NEB: variants seen among roughly 807,000 people sequenced by gnomAD.
NEB encodes the protein nebulin.
In NEB, 512 loss-of-function variants were observed where a neutral mutation model predicts 952.2. That is an observed-to-expected ratio of 0.54 (90% CI 0.50 to 0.58). The LOEUF is 0.58. Ranked by LOEUF, NEB falls within the 20% of genes least tolerant of loss-of-function variation. The pLI, the probability that NEB is intolerant of heterozygous loss-of-function variation, is 0.00. For missense variants in NEB, 8,428 were observed against 9,231.1 expected, an observed-to-expected ratio of 0.91 and a Z score of 3.56; for synonymous variants, 2,900 against 3,149.8, an observed-to-expected ratio of 0.92 and a Z score of 2.66.
At chr2:151,672,331 G>A in intron 37 of NEB, 38 bp downstream of exon 37, 1 of 1,517,066 alleles carries the variant, frequency 6.6e-7, no homozygotes, top group Non-Finnish European at 8.9e-7. Flanking sequence ...CATCCTTTAA[G>A]TGCAAACATC....
At chr2:151,553,661 C>G (rs1201919527) in intron 126 of NEB, among the ~76,000 whole-genome samples, 159 bp from the exon 127 acceptor site, 1 of 152,204 alleles carries the variant, frequency 6.6e-6, no homozygotes, top group African/African-American at 2.4e-5. Flanking sequence ...CATGTGTACA[C>G]AGAGCCCTGC....
rs2153659730 is a variant in NEB at position 151,553,818 on chromosome 2, A to G, written c.19626+10T>C. Reference sequence around the variant, plus strand: ...GCCGTGGAGGGGTACTTCTTAAGTCACAGGCTTACATCGCTGATCTGATCT... The same window carrying G: ...GCCGTGGAGGGGTACTTCTTAAGTCGCAGGCTTACATCGCTGATCTGATCT... On this transcript the variant is annotated intron_variant, in intron 126 of 181. Transcript: ENST00000397345. 6.3e-7 allele frequency: 1 copy of G among 1,599,856 alleles called. No homozygotes were observed. Among genetic ancestry groups the G allele is most frequent in the Non-Finnish European group, 8.5e-7 (1 of 1,171,222 alleles).
At position 151,658,050 on chromosome 2, in the gene NEB, C is replaced by T. The variant is rs2099105578; in HGVS notation, c.6116G>A (p.Gly2039Asp). Residue 2039 changes from glycine (G) to aspartate (D), a missense_variant, in exon 48 of 182, where the codon GGC becomes GAC. Gly to Asp is a moderately conservative substitution (Grantham distance 94). Coordinates refer to ENST00000397345, the MANE Select transcript of NEB (RefSeq NM_001164508.2). ...KLSLEESKKKGYDLRPDAIPI... is the reference protein window; with the variant it reads ...KLSLEESKKKDYDLRPDAIPI... ...AATTGCATCAGGTCTGAGATCATAGCCTTTCTTTTTAGACTCTTCCAAGGA... is the reference window on the plus strand; with the variant it reads ...AATTGCATCAGGTCTGAGATCATAGTCTTTCTTTTTAGACTCTTCCAAGGA... 2 of 1,610,408 alleles carry T rather than the reference C, an allele frequency of 1.2e-6. No homozygotes were observed. Among genetic ancestry groups the T allele is most frequent in the East Asian group, 2.2e-5 (1 of 44,820 alleles).
At chr2:151,717,802 A>G (rs2099763158) in intron 9 of NEB, among the ~76,000 whole-genome samples, 1 of 150,668 alleles carries the variant, frequency 6.6e-6, no homozygotes, top group South Asian at 2.1e-4. Flanking sequence ...TCTTTTTATC[A>G]CATTCAATAA....
chr2:151,678,909 A>ATATT (rs2099394162), intron 32 of NEB, among the ~76,000 whole-genome samples: 1 of 152,178 alleles, frequency 6.6e-6, no homozygotes, highest in Non-Finnish European at 1.5e-5. Context: ...CAATCATCAC[A>ATATT]TATTTACACT....
At chr2:151,527,630 A>G in intron 146 of NEB, 45 bp from the exon 147 acceptor site, 1 of 1,407,488 alleles carries the variant, frequency 7.1e-7, no homozygotes, top group Non-Finnish European at 9.9e-7. Context: ...TCAGTAGGCT[A>G]AATTCATAAA....
intron 167 of NEB, among the ~76,000 whole-genome samples, 175 bp downstream of exon 167, chr2:151,502,616 AAC>A (rs1250194695): frequency 1.3e-5 from 2 of 152,292 alleles, no homozygotes; most frequent in African/African-American, 2.4e-5. Flanking sequence ...TTTTAGAGAA[AAC>A]ACAGTTAAAA....
At chr2:151,668,768 T>A (rs1022310998) in intron 39 of NEB, among the ~76,000 whole-genome samples, 1 of 150,004 alleles carries the variant, frequency 6.7e-6, no homozygotes, top group Admixed American at 6.7e-5. Context: ...TCATGTTCCA[T>A]TTTTTTTTTA....
At chr2:151,563,354 C>G (rs896564286) in intron 119 of NEB, among the ~76,000 whole-genome samples, 1 of 152,056 alleles carries the variant, frequency 6.6e-6, no homozygotes, top group Non-Finnish European at 1.5e-5. Context: ...TAAATAGTGA[C>G]CTTGATGCTT....
Position 151,677,735 on chromosome 2 carries a change from C to G in NEB, c.3604G>C (p.Gly1202Arg). The G allele has an allele frequency of 1.9e-6, 3 of 1,613,990 alleles. No homozygotes were observed. Among genetic ancestry groups the G allele is most frequent in the African/African-American group, 1.3e-5 (1 of 75,038 alleles). ...CTGCCAATAGGAATCCAGCCAATGC[C>G]TTTCATCCAGTTGTTGTAGTCTTCC... ...YKEDYNNWMK[G>R]IGWIPIGSLD... Residue 1202 changes from glycine (G) to arginine (R), a missense_variant, in exon 34 of 182, where the codon GGC becomes CGC. This residue lies in a region of NEB where 2,851 missense variants were observed against 2,791.5 expected (regional missense o/e 1.02). Coordinates refer to ENST00000397345, the MANE Select transcript of NEB (RefSeq NM_001164508.2).
chr2:151,491,753 A>T lies in NEB; in HGVS notation c.25080T>A (p.Asn8360Lys), dbSNP rs752821359. The change falls in exon 179 of 182, where the codon AAT (asparagine) becomes AAA (lysine). Residue 8360 changes from asparagine (N) to lysine (K), a missense_variant. By Grantham distance (94) the Asn-to-Lys change is moderately conservative. Around this residue, in one of 11 missense-constraint regions of NEB, gnomAD observed 3,374 missense variants for 3,651.5 expected, o/e 0.92. Coordinates refer to ENST00000397345, the MANE Select transcript of NEB (RefSeq NM_001164508.2). The stretch of plus-strand genomic sequence containing the variant: ...GATCATAGTCAAAAACCGAACCAGG[A>T]TTAGTACGCCAGACACGTAAACCTG... ...TITGLRVWRT[N>K]PGSVFDYDPA... The T allele has an allele frequency of 1.3e-6, 2 of 1,593,294 alleles. No homozygotes were observed. Among genetic ancestry groups the T allele is most frequent in the East Asian group, 4.5e-5 (2 of 44,132 alleles).
At chr2:151,560,976 T>C (rs749224345) in intron 123 of NEB, 28 bp downstream of exon 123, 7 of 1,400,878 alleles carry the variant, frequency 5.0e-6, no homozygotes, top group Non-Finnish European at 7.0e-6. Context: ...GTGGCTCATA[T>C]ATAAGGGGGA....
intron 93 of NEB, among the ~76,000 whole-genome samples, chr2:151,593,646 ATCTC>A (rs1295776377): frequency 2.0e-5 from 2 of 101,234 alleles, no homozygotes; most frequent in Non-Finnish European, 4.5e-5. Flanking sequence ...CCTGCCCCCC[ATCTC>A]TCTCTCTTTC....
chr2:151,688,184 A>T, intron 25 of NEB, 108 bp downstream of exon 25: 2 of 880,380 alleles, frequency 2.3e-6, no homozygotes, highest in Non-Finnish European at 3.5e-6. Flanking sequence ...CAAAGTAACC[A>T]TCTTAAAGTT....
rs1559632059 is a variant in NEB at position 151,723,423 on chromosome 2, C to G, written c.676G>C (p.Glu226Gln). 1.2e-6 allele frequency: 2 copies of G among 1,610,498 alleles called. No homozygotes were observed. Among genetic ancestry groups the G allele is most frequent in the East Asian group, 4.5e-5 (2 of 44,832 alleles). Residue 226 changes from glutamate to glutamine, a missense_variant, in exon 9 of 182, where the codon GAA becomes CAA. This residue lies in a region of NEB where 2,851 missense variants were observed against 2,791.5 expected (regional missense o/e 1.02). Coordinates refer to ENST00000397345, the MANE Select transcript of NEB (RefSeq NM_001164508.2). ...TGGGCCTGGGCAACTCTCCTCAGTT[C>G]CGGGCTATCATTATAGGGGTAAAAC... ...SLFYPYNDSP[E>Q]LRRVAQAQKA... is the part of the protein sequence containing the mutation.
At chr2:151,492,314 T>C (rs774892753) in intron 177 of NEB, 33 bp from the exon 178 acceptor site, 4 of 1,602,320 alleles carry the variant, frequency 2.5e-6, no homozygotes, top group South Asian at 1.1e-5. Flanking sequence ...TATGAAAATA[T>C]GATGGTGTGA....
chr2:151,694,696 G>C, intron 18 of NEB, 67 bp from the exon 19 acceptor site: 1 of 1,207,994 alleles, frequency 8.3e-7, no homozygotes, highest in Non-Finnish European at 1.2e-6. Flanking sequence ...TTAAAGACTA[G>C]TGGGTAACTA....
intron 141 of NEB, 43 bp downstream of exon 141, chr2:151,537,089 A>G (rs781183662): frequency 9.2e-6 from 11 of 1,200,340 alleles, no homozygotes; most frequent in Middle Eastern, 3.8e-4. Flanking sequence ...GGGTACAGGT[A>G]TATGTCGAAT....
rs767425744 is a variant in NEB, at chr2:151,575,754, T to A, written c.16954A>T (p.Ile5652Leu). The change falls in exon 107 of 182, where the codon ATA becomes TTA. Residue 5652 changes from isoleucine (I) to leucine (L), a missense_variant. Physicochemically the swap from Ile to Leu is conservative, Grantham distance 5. Transcript: ENST00000397345. ...TTAATTTCTGGAGTATCTGGCATTA[T>A]GTGTATTGAAGTTTTATCCTTGTCC... ...VWDKDKTSIH[I>L]MPDTPEINLA... The A allele has an allele frequency of 1.9e-6, 3 of 1,611,178 alleles. No individual in the cohort carries two copies. The highest frequency in any genetic ancestry group is 2.7e-5 in the African/African-American group (2 of 74,912).
Sources: allele counts gnomAD v4.1 joint callset (sites outside exome capture counted in the v4.1 genomes callset), GRCh38; gene constraint gnomAD v4.1.1; regional missense constraint gnomAD v4.1.1; transcripts MANE v1.5; gene names NCBI Gene and HGNC (gene_info 2026-07-23, HGNC 2026-07-21).